The following MRPS23 variants were observed in gnomAD, a reference collection of about 807,000 sequenced individuals.
MRPS23 encodes mitochondrial ribosomal protein S23, also known as small ribosomal subunit protein mS23.
Under a neutral mutation model 19.8 loss-of-function variants are expected in MRPS23, and 14 were observed. That is an observed-to-expected ratio of 0.71 (90% CI 0.47 to 1.11). The LOEUF (loss-of-function observed/expected upper bound fraction) is 1.11, where lower values mean the gene tolerates loss of function less well. Among genes scored for constraint, MRPS23 ranks in the 50% least tolerant of loss-of-function variants. MRPS23 has a pLI of 0.00. For synonymous variants in MRPS23, 113 were observed against 89.7 expected (o/e 1.26, Z -1.47); for missense variants, 242 against 236.7 (o/e 1.02, Z -0.15).
chr17:57,838,660 G>A lies in MRPS23; in HGVS notation c.*1123C>T, dbSNP rs537045820. 5.9e-5 allele frequency: 9 copies of A among 152,368 alleles called. No individual in the cohort carries two copies. Among genetic ancestry groups the A allele is most frequent in the Admixed American group, 1.3e-4 (2 of 15,302 alleles). 9.4% of individuals were successfully genotyped at this position (152,368 alleles called of 1,614,324 possible). ...CAGTTGTGAAACAGTGATAAAGGTC[G>A]AGGGGGAAGCAGCATGGCTGAGAGC... On this transcript the variant is annotated 3_prime_UTR_variant, in exon 5 of 5. Coordinates refer to ENST00000313608, the MANE Select transcript of MRPS23 (RefSeq NM_016070.4).
rs1011279232 is a variant in MRPS23, at chr17:57,835,711, A to G, written c.*4072T>C. ...CTAACTGGAAGCCAAAAAGGCAAACATTGTCCATATTTTACAGGCTGAAAT... is the reference window on the plus strand; with the variant it reads ...CTAACTGGAAGCCAAAAAGGCAAACGTTGTCCATATTTTACAGGCTGAAAT... On this transcript the variant is annotated 3_prime_UTR_variant, in exon 5 of 5. Coordinates refer to ENST00000313608, the MANE Select transcript of MRPS23 (RefSeq NM_016070.4). 3.9e-5 allele frequency: 6 copies of G among 152,210 alleles called. No homozygotes were observed. Among genetic ancestry groups the G allele is most frequent in the Admixed American group, 1.3e-4 (2 of 15,278 alleles). 9.4% of individuals were successfully genotyped at this position (152,210 alleles called of 1,614,324 possible).
intron 4 of MRPS23, among the ~76,000 whole-genome samples, 178 bp from the exon 5 acceptor site, chr17:57,840,113 C>T (rs1413970139): frequency 1.3e-5 from 2 of 152,206 alleles, no homozygotes; most frequent in Non-Finnish European, 1.5e-5. Flanking sequence ...TAGGGCCGGG[C>T]GTGGTGGCTC....
rs751674773 is a variant in MRPS23 at position 57,850,019 on chromosome 17, C to T, written c.-9G>A. 2.5e-6 allele frequency: 4 copies of T among 1,592,018 alleles called. No individual in the cohort carries two copies. Among genetic ancestry groups the T allele is most frequent in the South Asian group, 2.3e-5 (2 of 88,616 alleles). ...AGCCGGCTGCCTGCCATGATCTGCG[C>T]CTGGTACCGAGCGTGACTAGCTGCT... On this transcript the variant is annotated 5_prime_UTR_variant, in exon 1 of 5. Transcript: ENST00000313608.
In MRPS23 at chr17:57,850,018, G is replaced by T; in HGVS notation, c.-8C>A. 1 of 1,591,668 alleles carries T rather than the reference G, an allele frequency of 6.3e-7. No homozygotes were observed. The highest frequency in any genetic ancestry group is 8.5e-7 in the Non-Finnish European group (1 of 1,173,750). On this transcript the variant is annotated 5_prime_UTR_variant, in exon 1 of 5. Transcript: ENST00000313608. Reference sequence around the variant, plus strand: ...CAGCCGGCTGCCTGCCATGATCTGCGCCTGGTACCGAGCGTGACTAGCTGC... The same window carrying T: ...CAGCCGGCTGCCTGCCATGATCTGCTCCTGGTACCGAGCGTGACTAGCTGC...
intron 2 of MRPS23, among the ~76,000 whole-genome samples, chr17:57,842,805 T>C (rs2073747128): frequency 6.6e-6 from 1 of 151,306 alleles, no homozygotes; most frequent in African/African-American, 2.4e-5. Flanking sequence ...TGAGGATCTT[T>C]TGAGGCCAGG....
At position 57,849,985 on chromosome 17, in the gene MRPS23, A is replaced by G. The variant is rs748568716; in HGVS notation, c.26T>C (p.Val9Ala). The G allele has an allele frequency of 3.8e-6, 6 of 1,590,836 alleles. No individual in the cohort carries two copies. Among genetic ancestry groups the G allele is most frequent in the Non-Finnish European group, 2.6e-6 (3 of 1,174,546 alleles). Residue 9 changes from valine (V) to alanine (A), a missense_variant, in exon 1 of 5, where the codon GTA (valine) becomes GCA (alanine). Val to Ala is a moderately conservative substitution (Grantham distance 64, BLOSUM62 0). Transcript: ENST00000313608. ...CACACACCGAGAGAAGATGCTCCCT[A>G]CGGTTTCCAGCCGGCTGCCTGCCAT... MAGSRLET[V>A]GSIFSRTRDL...
rs553153542 is a variant in MRPS23 at position 57,845,961 on chromosome 17, G to A, written c.215+3279C>T. Among the ~76,000 whole-genome samples the A allele has an allele frequency of 2.4e-4, 36 of 152,340 alleles. No individual in the cohort carries two copies. The East Asian group carries it at 5.8e-3, about 24-fold the overall frequency. ...GTTATTGAATAAAGACAGGGCATTT[G>A]GAATGTAGAGCTATTAAAGACAGGC... On this transcript the variant is annotated intron_variant, in intron 2 of 4. Transcript: ENST00000313608.
At chr17:57,840,246 G>A (rs2073732274) in intron 4 of MRPS23, among the ~76,000 whole-genome samples, 1 of 152,208 alleles carries the variant, frequency 6.6e-6, no homozygotes, top group Non-Finnish European at 1.5e-5. Context: ...AATTAGCTGA[G>A]CATGGTGGCA....
Position 57,838,163 on chromosome 17 carries a change from A to G in MRPS23, c.*1620T>C, listed in dbSNP as rs1334897447. On this transcript the variant is annotated 3_prime_UTR_variant, in exon 5 of 5. Coordinates refer to ENST00000313608, the MANE Select transcript of MRPS23 (RefSeq NM_016070.4). ...AAATTAGCCGGGCGTCATAGCATAC[A>G]CCTGTAATCCCAGCTACTTGGGAGG... is the stretch of plus-strand genomic sequence containing the variant. 6.6e-6 allele frequency: 1 copy of G among 150,846 alleles called. No homozygotes were observed. The highest frequency in any genetic ancestry group is 2.0e-4 in the East Asian group (1 of 5,128). 9.3% of individuals were successfully genotyped at this position (150,846 alleles called of 1,614,324 possible).
In MRPS23 at chr17:57,837,837, G is replaced by C. The variant is rs1373267649; in HGVS notation, c.*1946C>G. ...AAAAACAAACAAAAAAAATGTTAAAGAGCCAGGCGTGGTGGCACATGCCTA... is the reference window on the plus strand; with the variant it reads ...AAAAACAAACAAAAAAAATGTTAAACAGCCAGGCGTGGTGGCACATGCCTA... On this transcript the variant is annotated 3_prime_UTR_variant, in exon 5 of 5. Coordinates refer to ENST00000313608, the MANE Select transcript of MRPS23 (RefSeq NM_016070.4). The C allele has an allele frequency of 1.3e-5, 2 of 152,746 alleles. No homozygotes were observed. The highest frequency in any genetic ancestry group is 2.4e-5 in the African/African-American group (1 of 41,250). The allele number at this position is 152,746 out of a possible 1,614,324, so 9.5% of individuals were successfully genotyped here.
chr17:57,840,981 CCT>C lies in MRPS23; in HGVS notation c.363_364del (p.Gly122GlufsTer23), dbSNP rs1334046741. 1.2e-6 allele frequency: 2 copies of C among 1,614,074 alleles called. No individual in the cohort carries two copies. Among genetic ancestry groups the C allele is most frequent in the African/African-American group, 2.7e-5 (2 of 74,938 alleles). ...GACACCTTCTGCCAATAAAGCCTTC[CCT>C]GTTTCCACAAATAACTTCTCTTCAT... On this transcript the variant is annotated frameshift_variant, in exon 4 of 5. Coordinates refer to ENST00000313608, the MANE Select transcript of MRPS23 (RefSeq NM_016070.4). LOFTEE classifies it high-confidence loss of function.
At chr17:57,839,956 T>A (rs1346618628) in intron 4 of MRPS23, 21 bp from the exon 5 acceptor site, 1 of 1,613,116 alleles carries the variant, frequency 6.2e-7, no homozygotes, top group South Asian at 1.1e-5. Context: ...CAGATTTAAG[T>A]ATCACAGAGA....
At chr17:57,840,876 C>A (rs771005135) in intron 4 of MRPS23, 50 bp downstream of exon 4, 3 of 1,604,710 alleles carry the variant, frequency 1.9e-6, no homozygotes, top group Non-Finnish European at 2.6e-6. Flanking sequence ...CCTGTGCATA[C>A]TGAGGGACAA....
rs546697990 is a variant in MRPS23, at chr17:57,847,492, C to T, written c.215+1748G>A. On this transcript the variant is annotated intron_variant, in intron 2 of 4. Transcript: ENST00000313608. ...CCTGGCTAACACGGTGAAACCCTGT[C>T]TCTACTAAAAATACAAAAAATTAGC... is the stretch of plus-strand genomic sequence containing the variant. Among the ~76,000 whole-genome samples the T allele has an allele frequency of 2.4e-4, 36 of 151,648 alleles. 1 individual carries two copies. Among genetic ancestry groups the T allele is most frequent in the African/African-American group, 8.2e-4 (34 of 41,416 alleles).
Position 57,843,972 on chromosome 17 carries a change from G to A in MRPS23, c.216-2712C>T, listed in dbSNP as rs373494455. Among the ~76,000 whole-genome samples the A allele has an allele frequency of 9.9e-5, 15 of 151,980 alleles. No homozygotes were observed. In the East Asian group the frequency reaches 1.5e-3, roughly 16 times the overall value. On this transcript the variant is annotated intron_variant, in intron 2 of 4. Transcript: ENST00000313608. ...AATATTTTCTTTTTATGGCTTCTGA[G>A]TTTTATATCATGCTTAAAAAGACCT... is the stretch of plus-strand genomic sequence containing the variant.
rs961690670 is a variant in MRPS23 at position 57,836,032 on chromosome 17, G to A, written c.*3751C>T. On this transcript the variant is annotated 3_prime_UTR_variant, in exon 5 of 5. Coordinates refer to ENST00000313608, the MANE Select transcript of MRPS23 (RefSeq NM_016070.4). The stretch of plus-strand genomic sequence containing the variant: ...TGCTGTAGCATGATCTCAGCTCACT[G>A]TAACCTCCACCTCCTGGGTTCAAGC... 6.9e-6 allele frequency: 1 copy of A among 145,192 alleles called. No individual in the cohort carries two copies. Among genetic ancestry groups the A allele is most frequent in the Admixed American group, 7.2e-5 (1 of 13,848 alleles). 9.0% of individuals were successfully genotyped at this position (145,192 alleles called of 1,614,324 possible).
At chr17:57,844,975 G>C (rs2073763399) in intron 2 of MRPS23, among the ~76,000 whole-genome samples, 1 of 151,866 alleles carries the variant, frequency 6.6e-6, no homozygotes, top group Admixed American at 6.6e-5. Context: ...TCAGCTCACT[G>C]CAACCTCTGC....
In MRPS23 at chr17:57,838,065, G is replaced by C. The variant is rs2073716877; in HGVS notation, c.*1718C>G. The C allele has an allele frequency of 6.6e-6, 1 of 151,656 alleles. No individual in the cohort carries two copies. The highest frequency in any genetic ancestry group is 6.6e-5 in the Admixed American group (1 of 15,222). The allele number at this position is 151,656 out of a possible 1,614,324, so 9.4% of individuals were successfully genotyped here. A position where few individuals can be genotyped will look rare whatever the true frequency, so the allele number is the denominator to read the frequency against. On this transcript the variant is annotated 3_prime_UTR_variant, in exon 5 of 5. Coordinates refer to ENST00000313608, the MANE Select transcript of MRPS23 (RefSeq NM_016070.4). ...GCATTTTGGGAGGTTGAGATGGGTG[G>C]ATCACTTGAGGCCAGCAGTTTGAGA...
In MRPS23 at chr17:57,849,248, C is replaced by T. The variant is rs764823014; in HGVS notation, c.207G>A (p.Arg69=). 3 of 1,614,210 alleles carry T rather than the reference C, an allele frequency of 1.9e-6. No individual in the cohort carries two copies. The highest frequency in any genetic ancestry group is 1.1e-5 in the South Asian group (1 of 91,074). The change falls in exon 2 of 5, where the codon CGG becomes CGA. Residue 69 remains arginine, a synonymous_variant. Coordinates refer to ENST00000313608, the MANE Select transcript of MRPS23 (RefSeq NM_016070.4). Reference sequence around the variant, plus strand: ...CAGGGCTGAGCACTCACGCTCTAATCCGATCCTCGTGGTACCAGATGTCTT... The same window carrying T: ...CAGGGCTGAGCACTCACGCTCTAATTCGATCCTCGTGGTACCAGATGTCTT... The part of the protein sequence containing the change: ...PIQDIWYHED[R]IRAKFYSVYG...
Sources: allele counts gnomAD v4.1 joint callset (sites outside exome capture counted in the v4.1 genomes callset), GRCh38; gene constraint gnomAD v4.1.1; transcripts MANE v1.5; gene names NCBI Gene and HGNC (gene_info 2026-07-23, HGNC 2026-07-21).